NECTIN4: variants seen among roughly 807,000 people sequenced by gnomAD.
The protein encoded by NECTIN4 is nectin cell adhesion molecule 4.
A neutral mutation model predicts 51.7 loss-of-function variants in NECTIN4; 19 were observed. The ratio of observed to expected loss-of-function variants is 0.37; its 90% confidence interval spans 0.26 to 0.54. The LOEUF is 0.54. Among genes scored for constraint, NECTIN4 ranks in the 20% least tolerant of loss-of-function variants. The pLI is 0.86. For missense variants in NECTIN4, 619 were observed against 662.4 expected (o/e 0.93, Z 0.72); for synonymous variants, 283 against 286.9 (o/e 0.99, Z 0.14).
intron 7 of NECTIN4, 26 bp from the exon 8 acceptor site, chr1:161,073,325 T>C (rs760922863): frequency 1.7e-5 from 27 of 1,604,884 alleles, no homozygotes; most frequent in Non-Finnish European, 2.3e-5. Context: ...ACGGGGCAGT[T>C]AGAACAGGGC....
chr1:161,088,768 C>T (rs768116315), intron 1 of NECTIN4, among the ~76,000 whole-genome samples: 4 of 152,130 alleles, frequency 2.6e-5, no homozygotes, highest in Non-Finnish European at 4.4e-5. Flanking sequence ...CTTCCTGCAC[C>T]CTGATGACTG....
In NECTIN4 at chr1:161,086,410, C is replaced by T. The variant is rs1653947874; in HGVS notation, c.79+2808G>A. Among the ~76,000 whole-genome samples the T allele has an allele frequency of 1.3e-5, 2 of 152,178 alleles. 1 individual carries two copies. Among genetic ancestry groups the T allele is most frequent in the South Asian group, 4.1e-4 (2 of 4,826 alleles). On this transcript the variant is annotated intron_variant, in intron 1 of 8. Coordinates refer to ENST00000368012, the MANE Select transcript of NECTIN4 (RefSeq NM_030916.3). ...TAGGTCCTACAGGAAAGGGCCTGCC[C>T]CCCTCTGTAAACAGGAGTAGAAAAG... is the stretch of plus-strand genomic sequence containing the variant.
chr1:161,071,840 T>TAAAAA lies in NECTIN4; in HGVS notation c.*816_*820dup, dbSNP rs996843840. 1 of 131,158 alleles carries TAAAAA rather than the reference T, an allele frequency of 7.6e-6. No homozygotes were observed. Among genetic ancestry groups the TAAAAA allele is most frequent in the African/African-American group, 2.9e-5 (1 of 34,852 alleles). The allele number at this position is 131,158 out of a possible 1,614,324, so 8.1% of individuals were successfully genotyped here. A position where few individuals can be genotyped will look rare whatever the true frequency, so the allele number is the denominator to read the frequency against. ...GAGCAACATAGTGAGACTCCATCTC[T>TAAAAA]AAAAAAAAATAAAAATAAAAATAAA... is the stretch of plus-strand genomic sequence containing the variant. On this transcript the variant is annotated 3_prime_UTR_variant, in exon 9 of 9. Coordinates refer to ENST00000368012, the MANE Select transcript of NECTIN4 (RefSeq NM_030916.3).
At chr1:161,081,655 T>G (rs967401047) in intron 1 of NECTIN4, among the ~76,000 whole-genome samples, 1 of 152,130 alleles carries the variant, frequency 6.6e-6, no homozygotes, top group Non-Finnish European at 1.5e-5. Context: ...TGTCCCTGCC[T>G]CTGCCCAGCA....
At chr1:161,079,458 A>C in intron 2 of NECTIN4, 132 bp downstream of exon 2, 1 of 1,221,656 alleles carries the variant, frequency 8.2e-7, no homozygotes, top group Non-Finnish European at 1.1e-6. Flanking sequence ...AGCTGGATGA[A>C]GCTCCCTCAC....
intron 1 of NECTIN4, among the ~76,000 whole-genome samples, chr1:161,084,058 T>C (rs1459199056): frequency 6.6e-6 from 1 of 152,182 alleles, no homozygotes; most frequent in Non-Finnish European, 1.5e-5. Context: ...TAGAGGTGGG[T>C]CTGTGAGAAG....
At chr1:161,084,053 G>A (rs1289652074) in intron 1 of NECTIN4, among the ~76,000 whole-genome samples, 1 of 152,246 alleles carries the variant, frequency 6.6e-6, no homozygotes, top group Non-Finnish European at 1.5e-5. Context: ...GATCGTAGAG[G>A]TGGGTCTGTG....
rs1653331984 is a variant in NECTIN4, at chr1:161,074,680, C to T, written c.931G>A (p.Gly311Ser). 5.6e-6 allele frequency: 9 copies of T among 1,614,238 alleles called. No homozygotes were observed. Among genetic ancestry groups the T allele is most frequent in the Non-Finnish European group, 6.8e-6 (8 of 1,180,042 alleles). ...GFPPLTTEHS[G>S]IYVCHVSNEF... is the part of the protein sequence containing the mutation. ...TTGCTGACATGGCAGACGTAGATGC[C>T]GCTGTGCTCAGTGGTCAGTGGGGGA... Residue 311 changes from glycine (G) to serine (S), a missense_variant, in exon 5 of 9, where the codon GGC becomes AGC. Gly to Ser is a moderately conservative substitution (Grantham distance 56, BLOSUM62 0). This residue lies in a region of NECTIN4 where 364 missense variants were observed against 415.7 expected (regional missense o/e 0.88). Coordinates refer to ENST00000368012, the MANE Select transcript of NECTIN4 (RefSeq NM_030916.3).
chr1:161,086,676 A>G (rs1054349896), intron 1 of NECTIN4, among the ~76,000 whole-genome samples: 9 of 152,080 alleles, frequency 5.9e-5, no homozygotes, highest in Non-Finnish European at 1.3e-4. Context: ...TCACCCGGAA[A>G]CTCAACCCAT....
Position 161,089,091 on chromosome 1 carries a change from C to T in NECTIN4, c.79+127G>A, listed in dbSNP as rs1468331339. On this transcript the variant is annotated intron_variant, in intron 1 of 8. Transcript: ENST00000368012. The surrounding 1 kb of genome is among the most constrained non-coding windows in gnomAD (Gnocchi z 4.1). Reference sequence around the variant, plus strand: ...AAGCTGGGGGCAGGAGAGACTGGATCCTCAGTTCAGAGTCAAAGAAAGGAG... The same window carrying T: ...AAGCTGGGGGCAGGAGAGACTGGATTCTCAGTTCAGAGTCAAAGAAAGGAG... The T allele has an allele frequency of 2.2e-6, 2 of 902,056 alleles. No homozygotes were observed. Among genetic ancestry groups the T allele is most frequent in the Admixed American group, 3.4e-5 (2 of 57,978 alleles). 55.9% of individuals were successfully genotyped at this position (902,056 alleles called of 1,614,324 possible).
chr1:161,075,260 ACT>A (rs1307830778), intron 4 of NECTIN4, among the ~76,000 whole-genome samples: 1 of 152,020 alleles, frequency 6.6e-6, no homozygotes, highest in Non-Finnish European at 1.5e-5. Context: ...CCTCTCCCTG[ACT>A]CTCTAGATAT....
chr1:161,076,495 G>A lies in NECTIN4; in HGVS notation c.731-20C>T, dbSNP rs781120252. ...CAAGGACTGGAATGGGAAGTGGGAG[G>A]AGAAAGAATGGGAATGATGCCTTTG... On this transcript the variant is annotated intron_variant, in intron 3 of 8. Transcript: ENST00000368012. 9 of 1,613,542 alleles carry A rather than the reference G, an allele frequency of 5.6e-6. No homozygotes were observed. The highest frequency in any genetic ancestry group is 5.3e-5 in the African/African-American group (4 of 74,914).
At chr1:161,088,377 G>A (rs1352949783) in intron 1 of NECTIN4, among the ~76,000 whole-genome samples, 2 of 151,970 alleles carry the variant, frequency 1.3e-5, no homozygotes, top group Admixed American at 1.3e-4. Flanking sequence ...AGGTCTCACT[G>A]TGCACACACA....
rs114664478 is a variant in NECTIN4 at position 161,083,859 on chromosome 1, C to G, written c.80-3910G>C. On this transcript the variant is annotated intron_variant, in intron 1 of 8. Coordinates refer to ENST00000368012, the MANE Select transcript of NECTIN4 (RefSeq NM_030916.3). ...TTTGGGCTGGCTGGCTCTTCCCCAC[C>G]CTATGCCTGGGTCTCAACTTTCCTT... Among the ~76,000 whole-genome samples, 1,071 of 152,388 alleles carry G rather than the reference C, an allele frequency of 7.0e-3. 15 individuals are homozygous for G. Among genetic ancestry groups the G allele is most frequent in the South Asian group, 0.029 (141 of 4,830 alleles).
rs544829730 is a variant in NECTIN4 at position 161,077,054 on chromosome 1, T to C, written c.730+399A>G. 2.2e-3 allele frequency among the ~76,000 whole-genome samples: 339 copies of C among 152,226 alleles called. 2 individuals carry two copies. The highest frequency in any genetic ancestry group is 4.6e-4 in the Non-Finnish European group (31 of 68,036). On this transcript the variant is annotated intron_variant, in intron 3 of 8. Coordinates refer to ENST00000368012, the MANE Select transcript of NECTIN4 (RefSeq NM_030916.3). ...CCCTCTAAAGTTGGTATGAGTTATA[T>C]ATAATTATACCCATTTTGCTGATGA... is the stretch of plus-strand genomic sequence containing the variant.
chr1:161,081,007 T>C (rs1359785266), intron 1 of NECTIN4, among the ~76,000 whole-genome samples: 1 of 152,062 alleles, frequency 6.6e-6, no homozygotes, highest in African/African-American at 2.4e-5. Context: ...GCCCCATGCA[T>C]GAGTTGGGTA....
intron 1 of NECTIN4, among the ~76,000 whole-genome samples, chr1:161,087,874 CT>C (rs968781120): frequency 5.3e-5 from 8 of 152,106 alleles, no homozygotes; most frequent in African/African-American, 1.9e-4. Context: ...GAGTGGTGAT[CT>C]CTTTGATCTC....
Position 161,074,366 on chromosome 1 carries a change from C to A in NECTIN4, c.1008G>T (p.Gln336His), listed in dbSNP as rs543207830. The A allele has an allele frequency of 8.1e-6, 13 of 1,613,982 alleles. No individual in the cohort carries two copies. In the African/African-American group the frequency reaches 1.7e-4, roughly 22 times the overall value. ...SQVTVDVLDP[Q>H]EDSGKQVDLV... Reference sequence around the variant, plus strand: ...GGTCCACCTGCTTCCCAGAGTCTTCCTGGGGGTCTGCTGGAGACAGGCCAC... The same window carrying A: ...GGTCCACCTGCTTCCCAGAGTCTTCATGGGGGTCTGCTGGAGACAGGCCAC... Residue 336 changes from glutamine to histidine, a missense_variant, in exon 6 of 9, where the codon CAG becomes CAT. Gln to His is a conservative substitution (Grantham distance 24). This residue lies in a region of NECTIN4 where 364 missense variants were observed against 415.7 expected (regional missense o/e 0.88). Transcript: ENST00000368012.
At chr1:161,074,820 C>T (rs1482863266) in intron 4 of NECTIN4, 61 bp from the exon 5 acceptor site, 8 of 1,561,506 alleles carry the variant, frequency 5.1e-6, no homozygotes, top group East Asian at 2.3e-5. Context: ...CACCACCCAA[C>T]GTGTCCAGAC....
Sources: gnomAD v4.1 joint callset for allele counts (sites outside exome capture counted in the v4.1 genomes callset) on GRCh38, gnomAD v4.1.1 for gene constraint, gnomAD v4.1.1 regional missense constraint, Gnocchi (gnomAD v3.1) non-coding constraint, MANE v1.5 for transcripts, NCBI Gene and HGNC (gene_info 2026-07-23, HGNC 2026-07-21) for gene names.